The following TLN2 variants were observed in gnomAD, a reference collection of about 807,000 sequenced individuals.
The protein encoded by TLN2 is talin-2.
In TLN2, 118 loss-of-function variants were observed where a neutral mutation model predicts 294.7. The observed-to-expected ratio is 0.40, with a 90% CI of 0.34 to 0.47. TLN2 has a LOEUF of 0.47. Among genes scored for constraint, TLN2 ranks in the 20% least tolerant of loss-of-function variants. The pLI, the probability that TLN2 is intolerant of heterozygous loss-of-function variation, is 0.84. For synonymous variants in TLN2, 1,431 were observed against 1,304.5 expected, an observed-to-expected ratio of 1.10 and a Z score of -2.09; for missense variants, 3,083 against 3,282.2, an observed-to-expected ratio of 0.94 and a Z score of 1.48.
intron 3 of TLN2, among the ~76,000 whole-genome samples, chr15:62,646,824 C>G (rs1019338943): frequency 6.6e-6 from 1 of 152,162 alleles, no homozygotes; most frequent in Admixed American, 6.5e-5. Flanking sequence ...GAGGGCTTCC[C>G]TGATTCTTCT....
intron 1 of TLN2, chr15:62,561,431 G>T (rs1160730368): frequency 6.6e-6 from 1 of 152,206 alleles, no homozygotes; most frequent in Non-Finnish European, 1.5e-5. Flanking sequence ...GGCCCTATGC[G>T]GAATAATTAA....
At chr15:62,608,899 G>A (rs1400590205) in intron 2 of TLN2, among the ~76,000 whole-genome samples, 3 of 152,150 alleles carry the variant, frequency 2.0e-5, no homozygotes, top group Middle Eastern at 6.8e-3. Flanking sequence ...GATTAGGGGT[G>A]GAGTGGTGCT....
intron 9 of TLN2, among the ~76,000 whole-genome samples, chr15:62,665,896 G>A (rs2054574167): frequency 6.6e-6 from 1 of 152,156 alleles, no homozygotes; most frequent in South Asian, 2.1e-4. Context: ...AAAGTAAAGT[G>A]CAATAAAAAG....
rs755541069 is a variant in TLN2 at position 62,796,249 on chromosome 15, G to T, written c.6006G>T (p.Ala2002=). 4.3e-6 allele frequency: 7 copies of T among 1,614,182 alleles called. No homozygotes were observed. The Admixed American group carries it at 1.0e-4, about 23-fold the overall frequency. Residue 2002 remains alanine, a synonymous_variant, in exon 47 of 59, where the codon GCG becomes GCT. Coordinates refer to ENST00000636159, the MANE Select transcript of TLN2 (RefSeq NM_015059.3). ...DLDTTIMFAT[A]GTLNAENSET... ...ACACCACCATTATGTTTGCAACAGC[G>T]GGGACGCTGAATGCAGAGAACAGTG...
At chr15:62,640,226 T>TA (rs1285495305) in intron 3 of TLN2, 2 of 455,932 alleles carry the variant, frequency 4.4e-6, no homozygotes, top group Non-Finnish European at 8.8e-6. Flanking sequence ...GGGGAAGCTC[T>TA]TTCTTTGGTG....
At chr15:62,691,634 G>A (rs2057921303) in intron 12 of TLN2, among the ~76,000 whole-genome samples, 2 of 152,036 alleles carry the variant, frequency 1.3e-5, no homozygotes, top group Non-Finnish European at 2.9e-5. Flanking sequence ...CCTGGCTCTC[G>A]ATATGAATAT....
chr15:62,694,447 C>T, intron 14 of TLN2, 55 bp downstream of exon 14: 1 of 1,493,528 alleles, frequency 6.7e-7, no homozygotes, highest in Non-Finnish European at 9.3e-7. Context: ...AGGTAGGTTT[C>T]CTCTTGCCAG....
intron 1 of TLN2, among the ~76,000 whole-genome samples, chr15:62,430,792 T>C (rs2034971085): frequency 6.6e-6 from 1 of 152,082 alleles, no homozygotes; most frequent in Admixed American, 6.5e-5. Context: ...CACAAGGTAA[T>C]GTAGAAGTGT....
chr15:62,788,577 A>G (rs2064860161), intron 45 of TLN2, among the ~76,000 whole-genome samples: 1 of 152,242 alleles, frequency 6.6e-6, no homozygotes. Flanking sequence ...TTCACAGATA[A>G]GTAAACCCAG....
chr15:62,429,547 C>T (rs1488703800), intron 1 of TLN2, among the ~76,000 whole-genome samples: 1 of 152,096 alleles, frequency 6.6e-6, no homozygotes, highest in Non-Finnish European at 1.5e-5. Flanking sequence ...GGGAACTTCA[C>T]TCTGGCCGAT....
intron 11 of TLN2, among the ~76,000 whole-genome samples, chr15:62,686,269 C>T (rs2057279608): frequency 6.6e-6 from 1 of 152,154 alleles, no homozygotes; most frequent in Non-Finnish European, 1.5e-5. Context: ...CTCAGATTAA[C>T]CCTTGTTTGT....
chr15:62,532,618 T>C (rs2041110138), intron 1 of TLN2, among the ~76,000 whole-genome samples: 1 of 152,182 alleles, frequency 6.6e-6, no homozygotes, highest in African/African-American at 2.4e-5. Flanking sequence ...TAACCTTTTT[T>C]TAGAAAAGCA....
chr15:62,412,600 C>G (rs1403682212), intron 1 of TLN2, among the ~76,000 whole-genome samples: 1 of 152,198 alleles, frequency 6.6e-6, no homozygotes, highest in Admixed American at 6.5e-5. Context: ...TAAAGACTTA[C>G]ATTCAAATGT....
chr15:62,459,388 A>G (rs1009699190), intron 1 of TLN2, among the ~76,000 whole-genome samples: 1 of 151,674 alleles, frequency 6.6e-6, no homozygotes, highest in Non-Finnish European at 1.5e-5. Context: ...GGATGACAAA[A>G]TAAGAATGCA....
intron 1 of TLN2, among the ~76,000 whole-genome samples, chr15:62,444,485 T>G (rs2035715020): frequency 6.6e-6 from 1 of 152,248 alleles, no homozygotes. Context: ...AATGTAGACT[T>G]TGAAGATTTT....
In TLN2 at chr15:62,655,627, C is replaced by T. The variant is rs2053127170; in HGVS notation, c.518-317C>T. On this transcript the variant is annotated intron_variant, in intron 7 of 58. Transcript: ENST00000636159. ...TTGGCTGGCACTGTCCCCTGCTCCA[C>T]AGAGGGTGTACTGGGCCATGGGAAT... is the stretch of plus-strand genomic sequence containing the variant. Among the ~76,000 whole-genome samples, 22 of 6,210 alleles carry T rather than the reference C, an allele frequency of 3.5e-3. 11 individuals are homozygous for T. Among genetic ancestry groups the T allele is most frequent in the South Asian group, 0.2 (2 of 10 alleles). The allele number at this position is 6,210 out of a possible 152,430, so 4.1% of individuals were successfully genotyped here.
At chr15:62,774,435 T>C (rs534096594) in intron 42 of TLN2, among the ~76,000 whole-genome samples, 7 of 152,202 alleles carry the variant, frequency 4.6e-5, no homozygotes, top group Admixed American at 2.6e-4. Flanking sequence ...TAAACAGGCC[T>C]TAATTGAGAT....
At chr15:62,401,350 A>C (rs1362024687) in intron 1 of TLN2, among the ~76,000 whole-genome samples, 1 of 152,174 alleles carries the variant, frequency 6.6e-6, no homozygotes, top group East Asian at 1.9e-4. Context: ...AGTGCCAGCC[A>C]CTTAGTTTTA....
intron 11 of TLN2, among the ~76,000 whole-genome samples, chr15:62,686,308 T>C (rs968887559): frequency 6.6e-6 from 1 of 152,216 alleles, no homozygotes; most frequent in Non-Finnish European, 1.5e-5. Flanking sequence ...CTGGGAGTGA[T>C]AGTACCTGGA....
Sources: gnomAD v4.1 joint callset for allele counts (sites outside exome capture counted in the v4.1 genomes callset) on GRCh38, gnomAD v4.1.1 for gene constraint, MANE v1.5 for transcripts, NCBI Gene and HGNC (gene_info 2026-07-23, HGNC 2026-07-21) for gene names.